Variants in DOCK9 observed in about 807,000 individuals in gnomAD.
The protein encoded by DOCK9 is dedicator of cytokinesis 9.
Under a neutral mutation model 263.3 loss-of-function variants are expected in DOCK9, and 89 were observed. The ratio of observed to expected loss-of-function variants is 0.34; its 90% CI spans 0.28 to 0.40. DOCK9 has a LOEUF of 0.40. DOCK9 is among the 10% of genes least tolerant of loss of function. DOCK9 has a pLI of 1.00. For missense variants in DOCK9, 2,140 were observed against 2,603.4 expected (o/e 0.82, Z 3.87); for synonymous variants, 976 against 973.1 (o/e 1.00, Z -0.06).
chr13:98,848,478 C>A, intron 37 of DOCK9, 114 bp downstream of exon 37: 8 of 1,092,520 alleles, frequency 7.3e-6, no homozygotes, highest in Non-Finnish European at 1.1e-5. Flanking sequence ...CATCAGTCCC[C>A]ATGGCCGCTT....
At chr13:99,040,174 A>G (rs1242486229) in intron 1 of DOCK9, among the ~76,000 whole-genome samples, 1 of 152,184 alleles carries the variant, frequency 6.6e-6, no homozygotes, top group Non-Finnish European at 1.5e-5. Context: ...TACCTCATGT[A>G]TGGATACAAT....
At chr13:99,046,820 T>C (rs1026593047) in intron 1 of DOCK9, among the ~76,000 whole-genome samples, 2 of 152,218 alleles carry the variant, frequency 1.3e-5, no homozygotes, top group South Asian at 4.1e-4. Flanking sequence ...CCTGAAGACA[T>C]CACCAGAAAT....
At chr13:98,992,843 G>A (rs1470378572) in intron 1 of DOCK9, among the ~76,000 whole-genome samples, 1 of 152,158 alleles carries the variant, frequency 6.6e-6, no homozygotes, top group East Asian at 1.9e-4. Flanking sequence ...GATGCTGCTG[G>A]CTCAGGGAGC....
At chr13:98,879,545 C>A (rs1439346051) in intron 27 of DOCK9, among the ~76,000 whole-genome samples, 2 of 152,102 alleles carry the variant, frequency 1.3e-5, no homozygotes, top group Non-Finnish European at 2.9e-5. Context: ...GTGAAGATTT[C>A]TAAGCTAATC....
chr13:98,867,679 A>G, intron 29 of DOCK9, 143 bp from the exon 30 acceptor site: 1 of 678,736 alleles, frequency 1.5e-6, no homozygotes, highest in South Asian at 1.9e-5. Flanking sequence ...CACTGTACAG[A>G]TTTCAGGATG....
intron 1 of DOCK9, among the ~76,000 whole-genome samples, chr13:99,038,217 T>C (rs2142106492): frequency 6.6e-6 from 1 of 151,624 alleles, no homozygotes; most frequent in South Asian, 2.1e-4. Context: ...ACTCTAAAGT[T>C]ATCAAAATAT....
intron 14 of DOCK9, 141 bp from the exon 15 acceptor site, chr13:98,897,751 G>A: frequency 8.1e-7 from 1 of 1,229,024 alleles, no homozygotes; most frequent in Non-Finnish European, 1.1e-6. Flanking sequence ...TAAAAACATG[G>A]AAAACATCTA....
intron 13 of DOCK9, among the ~76,000 whole-genome samples, chr13:98,901,273 T>C (rs2048238571): frequency 1.3e-5 from 2 of 152,208 alleles, no homozygotes; most frequent in Non-Finnish European, 2.9e-5. Flanking sequence ...AAACCAAACA[T>C]ACATCATGTA....
At chr13:99,008,448 G>A (rs1481676619) in intron 1 of DOCK9, among the ~76,000 whole-genome samples, 2 of 151,888 alleles carry the variant, frequency 1.3e-5, no homozygotes, top group Admixed American at 6.6e-5. Context: ...TGGCCAGGCT[G>A]GTCTCAATCT....
intron 45 of DOCK9, among the ~76,000 whole-genome samples, chr13:98,816,035 T>C (rs2091813394): frequency 6.6e-6 from 1 of 152,142 alleles, no homozygotes; most frequent in Non-Finnish European, 1.5e-5. Flanking sequence ...CACCACATCA[T>C]TGAGTCATCC....
intron 2 of DOCK9, among the ~76,000 whole-genome samples, chr13:98,931,578 G>A (rs777787406): frequency 4.6e-5 from 7 of 151,614 alleles, no homozygotes; most frequent in East Asian, 3.9e-4. Context: ...GATTACAGGC[G>A]TGAGCCACTG....
At chr13:99,073,945 A>T (rs888294244) in intron 1 of DOCK9, among the ~76,000 whole-genome samples, 7 of 152,198 alleles carry the variant, frequency 4.6e-5, no homozygotes, top group African/African-American at 1.7e-4. Context: ...CTGGCATTAG[A>T]TTCTCCAGCT....
chr13:98,846,197 GAC>G, intron 37 of DOCK9, 137 bp from the exon 38 acceptor site: 1 of 1,083,494 alleles, frequency 9.2e-7, no homozygotes, highest in Non-Finnish European at 1.3e-6. Flanking sequence ...AGCAGCCAGA[GAC>G]ACAGACAGGC....
chr13:99,046,902 A>C (rs1245882414), intron 1 of DOCK9, among the ~76,000 whole-genome samples: 1 of 152,236 alleles, frequency 6.6e-6, no homozygotes, highest in Non-Finnish European at 1.5e-5. Flanking sequence ...GTTCCTGTTT[A>C]GGTTATGCTC....
At chr13:99,004,114 C>G (rs1280747633) in intron 1 of DOCK9, among the ~76,000 whole-genome samples, 1 of 152,160 alleles carries the variant, frequency 6.6e-6, no homozygotes, top group African/African-American at 2.4e-5. Context: ...TCTCCTTCAC[C>G]TGGTTAAATC....
intron 1 of DOCK9, among the ~76,000 whole-genome samples, chr13:99,021,061 T>A (rs1441955334): frequency 6.6e-6 from 1 of 152,198 alleles, no homozygotes; most frequent in Non-Finnish European, 1.5e-5. Flanking sequence ...CAAAGAAATG[T>A]TATGTAAGTT....
chr13:98,930,727 C>T (rs2053780786), intron 2 of DOCK9, among the ~76,000 whole-genome samples: 2 of 152,108 alleles, frequency 1.3e-5, no homozygotes, highest in Non-Finnish European at 2.9e-5. Flanking sequence ...TCACTGCAAC[C>T]TCCGCCACCC....
intron 39 of DOCK9, among the ~76,000 whole-genome samples, chr13:98,836,681 G>A (rs966815264): frequency 5.9e-5 from 9 of 152,094 alleles, no homozygotes; most frequent in African/African-American, 7.2e-5. Flanking sequence ...GAGGGGTGGC[G>A]GCTAAGGAGA....
chr13:98,883,252 T>TTGTTGG, intron 22 of DOCK9, 121 bp from the exon 23 acceptor site: 1 of 936,982 alleles, frequency 1.1e-6, no homozygotes, highest in Non-Finnish European at 1.6e-6. Flanking sequence ...GTTGTTGTTG[T>TTGTTGG]TGCTGTTTTT....
Sources: allele counts gnomAD v4.1 joint callset (sites outside exome capture counted in the v4.1 genomes callset), GRCh38; gene constraint gnomAD v4.1.1; transcripts MANE v1.5; gene names NCBI Gene and HGNC (gene_info 2026-07-23, HGNC 2026-07-21).